ZNF670: variants seen among roughly 807,000 people sequenced by gnomAD.
ZNF670 encodes zinc finger protein 670.
In ZNF670, 7 loss-of-function variants were observed where a neutral mutation model predicts 10.9. The observed-to-expected ratio is 0.64, with a 90% CI of 0.36 to 1.20. The LOEUF is 1.20. Ranked by LOEUF, ZNF670 falls within the 50% of genes most tolerant of loss-of-function variation. The pLI is 0.02. For missense variants in ZNF670, 446 were observed against 458.6 expected (o/e 0.97, Z 0.25); for synonymous variants, 136 against 152.7 (o/e 0.89, Z 0.81).
At chr1:247,064,140 T>A (rs888359536) in intron 1 of ZNF670, among the ~76,000 whole-genome samples, 1 of 152,212 alleles carries the variant, frequency 6.6e-6, no homozygotes, top group Non-Finnish European at 1.5e-5. Flanking sequence ...CTGCATCTTT[T>A]CCAGAATGTC....
chr1:247,060,415 G>A (rs185969250), intron 1 of ZNF670, among the ~76,000 whole-genome samples: 148 of 152,258 alleles, frequency 9.7e-4, no homozygotes, highest in African/African-American at 3.4e-3. Flanking sequence ...ACATCCATAC[G>A]CAAGGAAATA....
In ZNF670 at chr1:247,036,283, G is replaced by A. The variant is rs1670148827; in HGVS notation, c.*1166C>T. ...TTTATGAAAAATCCACAATATACTT[G>A]ATGGTGAGACTGAATGCTTTCACAC... On this transcript the variant is annotated 3_prime_UTR_variant, in exon 4 of 4. Transcript: ENST00000366503. 2.0e-5 allele frequency among the ~76,000 whole-genome samples: 3 copies of A among 152,128 alleles called. No individual in the cohort carries two copies. The highest frequency in any genetic ancestry group is 7.2e-5 in the African/African-American group (3 of 41,416).
chr1:247,062,137 G>A (rs1467925748), intron 1 of ZNF670, among the ~76,000 whole-genome samples: 3 of 151,940 alleles, frequency 2.0e-5, no homozygotes, highest in African/African-American at 7.2e-5. Flanking sequence ...TCCAACATGC[G>A]AAAATGAGAA....
At chr1:247,059,717 C>A (rs1308115438) in intron 1 of ZNF670, among the ~76,000 whole-genome samples, 2 of 152,046 alleles carry the variant, frequency 1.3e-5, no homozygotes, top group Non-Finnish European at 2.9e-5. Context: ...TGCCTTTCTG[C>A]AGATTAATAG....
rs35807997 is a variant in ZNF670 at position 247,056,115 on chromosome 1, CAAA to C, written c.4-16581_4-16579del. On this transcript the variant is annotated intron_variant, in intron 1 of 3. Coordinates refer to ENST00000366503, the MANE Select transcript of ZNF670 (RefSeq NM_033213.5). ...TTTAGCATTAGACAATCTTACAGAC[CAAA>C]AAAAAAAAAAAAATCAATAATGAAA... is the stretch of plus-strand genomic sequence containing the variant. Among the ~76,000 whole-genome samples, 869 of 140,826 alleles carry C rather than the reference CAAA, an allele frequency of 6.2e-3. 16 individuals are homozygous for C. The highest frequency in any genetic ancestry group is 0.021 in the African/African-American group (803 of 39,050). 92.4% of individuals were successfully genotyped at this position (140,826 alleles called of 152,430 possible).
At chr1:247,075,916 A>C (rs1223181206) in intron 1 of ZNF670, among the ~76,000 whole-genome samples, 1 of 152,252 alleles carries the variant, frequency 6.6e-6, no homozygotes, top group Admixed American at 6.5e-5. Flanking sequence ...GAAAAAGGTT[A>C]ACAAGAATTT....
At chr1:247,069,713 T>C (rs1379365376) in intron 1 of ZNF670, among the ~76,000 whole-genome samples, 1 of 151,972 alleles carries the variant, frequency 6.6e-6, no homozygotes, top group African/African-American at 2.4e-5. Context: ...GAACTAGAAG[T>C]CATTAAGCTA....
chr1:247,039,095 G>A (rs772803270), intron 2 of ZNF670, among the ~76,000 whole-genome samples: 13 of 96,064 alleles, frequency 1.4e-4, no homozygotes, highest in Non-Finnish European at 2.2e-4. Flanking sequence ...TTGTTTCTTC[G>A]TTGACCAGGC....
intron 1 of ZNF670, among the ~76,000 whole-genome samples, chr1:247,073,697 A>T (rs1671189348): frequency 6.6e-6 from 1 of 152,150 alleles, no homozygotes; most frequent in Non-Finnish European, 1.5e-5. Context: ...ATTGTCCAAC[A>T]ATTAAATTCC....
chr1:247,072,564 C>T lies in ZNF670; in HGVS notation c.3+6030G>A, dbSNP rs531901769. Reference sequence around the variant, plus strand: ...CTTTGGGAGGCCAAGGCGGGAGGATCACCTGAGGTCAGGAATTCGAGACCA... The same window carrying T: ...CTTTGGGAGGCCAAGGCGGGAGGATTACCTGAGGTCAGGAATTCGAGACCA... On this transcript the variant is annotated intron_variant, in intron 1 of 3. Transcript: ENST00000366503. Among the ~76,000 whole-genome samples, 9 of 151,548 alleles carry T rather than the reference C, an allele frequency of 5.9e-5. No individual in the cohort carries two copies. The East Asian group carries it at 1.6e-3, about 26-fold the overall frequency.
chr1:247,043,402 C>T (rs773268067), intron 1 of ZNF670: 29 of 547,900 alleles, frequency 5.3e-5, no homozygotes, highest in Non-Finnish European at 9.6e-5. Flanking sequence ...GTTCACCTAA[C>T]TGAAAAAATT....
chr1:247,047,571 G>A (rs1670481237), intron 1 of ZNF670, among the ~76,000 whole-genome samples: 1 of 151,688 alleles, frequency 6.6e-6, no homozygotes, highest in South Asian at 2.1e-4. Flanking sequence ...GGCTTTGTGT[G>A]GGGATTCCAA....
At chr1:247,075,738 G>A (rs914942177) in intron 1 of ZNF670, among the ~76,000 whole-genome samples, 3 of 152,186 alleles carry the variant, frequency 2.0e-5, no homozygotes, top group African/African-American at 7.2e-5. Context: ...GGAAATATAA[G>A]TCCTTTAAAT....
rs1045551371 is a variant in ZNF670, at chr1:247,051,594, G to A, written c.4-12057C>T. ...TAACCTGATGAGTATGCATCTAGGT[G>A]ATTATCTTTTTGTGATACATTTTCC... On this transcript the variant is annotated intron_variant, in intron 1 of 3. Coordinates refer to ENST00000366503, the MANE Select transcript of ZNF670 (RefSeq NM_033213.5). 3.9e-5 allele frequency among the ~76,000 whole-genome samples: 6 copies of A among 152,198 alleles called. No homozygotes were observed. The East Asian group carries it at 1.2e-3, about 29-fold the overall frequency.
intron 1 of ZNF670, chr1:247,043,776 T>C (rs576623367): frequency 9.7e-5 from 36 of 372,420 alleles, no homozygotes; most frequent in African/African-American, 7.2e-4. Flanking sequence ...TGCCTACTGA[T>C]TTGCAGAAAC....
chr1:247,059,612 T>C (rs192349153), intron 1 of ZNF670, among the ~76,000 whole-genome samples: 1 of 152,128 alleles, frequency 6.6e-6, no homozygotes, highest in African/African-American at 2.4e-5. Flanking sequence ...CAACAAAAAG[T>C]ATATAATCAT....
intron 1 of ZNF670, among the ~76,000 whole-genome samples, chr1:247,057,326 T>C (rs892849199): frequency 5.3e-5 from 8 of 152,100 alleles, no homozygotes; most frequent in African/African-American, 2.4e-5. Context: ...TAAAATGGCT[T>C]TTACCAGGCA....
chr1:247,071,418 C>T (rs771105261), intron 1 of ZNF670, among the ~76,000 whole-genome samples: 2 of 152,144 alleles, frequency 1.3e-5, no homozygotes, highest in South Asian at 2.1e-4. Flanking sequence ...GGGAGCTAAA[C>T]GATGAGTACA....
At chr1:247,075,602 C>A (rs1208017379) in intron 1 of ZNF670, among the ~76,000 whole-genome samples, 1 of 152,102 alleles carries the variant, frequency 6.6e-6, no homozygotes, top group Non-Finnish European at 1.5e-5. Flanking sequence ...TTCATGAGAT[C>A]TGATGGTTTT....
Sources: allele counts gnomAD v4.1 joint callset (sites outside exome capture counted in the v4.1 genomes callset), GRCh38; gene constraint gnomAD v4.1.1; transcripts MANE v1.5; gene names NCBI Gene and HGNC (gene_info 2026-07-23, HGNC 2026-07-21).